BTAF1: variants seen among roughly 807,000 people sequenced by gnomAD.
The protein encoded by BTAF1 is B-TFIID TATA-box binding protein associated factor 1.
Under a neutral mutation model 227.1 loss-of-function variants are expected in BTAF1, and 38 were observed. The ratio of observed to expected loss-of-function variants is 0.17; its 90% CI spans 0.13 to 0.22. The LOEUF is 0.22. BTAF1 is among the 10% of genes least tolerant of loss of function. The pLI is 1.00. For synonymous variants in BTAF1, 742 were observed against 751.9 expected, an observed-to-expected ratio of 0.99 and a Z score of 0.21; for missense variants, 1,598 against 2,204.0, an observed-to-expected ratio of 0.73 and a Z score of 5.51.
At position 91,982,721 on chromosome 10, in the gene BTAF1, G is replaced by A; in HGVS notation, c.2183G>A (p.Ser728Asn). The A allele has an allele frequency of 1.2e-6, 2 of 1,613,584 alleles. No individual in the cohort carries two copies. Among genetic ancestry groups the A allele is most frequent in the Non-Finnish European group, 1.7e-6 (2 of 1,179,738 alleles). The change falls in exon 18 of 38, where the codon AGT becomes AAT. Residue 728 changes from serine (S) to asparagine (N), a missense_variant. Around this residue, in one of 10 missense-constraint regions of BTAF1, gnomAD observed 318 missense variants for 435.0 expected, o/e 0.73. Transcript: ENST00000265990. ...LNSKSALQRISVALVICEWAA... is the reference protein window; with the variant it reads ...LNSKSALQRINVALVICEWAA... ...TCCAAGTCTGCTTTACAGAGGATTA[G>A]TGTAGCTTTGGTAATCTGTGAATGG...
chr10:91,989,280 T>C lies in BTAF1; in HGVS notation c.2554T>C (p.Leu852=). 6.2e-7 allele frequency: 1 copy of C among 1,614,186 alleles called. No homozygotes were observed. The highest frequency in any genetic ancestry group is 1.1e-5 in the South Asian group (1 of 91,078). The part of the protein sequence containing the change: ...VTETNQEWQV[L]QLRVHTFAAC... The stretch of plus-strand genomic sequence containing the variant: ...AGAGACCAACCAGGAGTGGCAAGTG[T>C]TGCAGTTGAGAGTGCATACTTTTGC... The change falls in exon 20 of 38, where the codon TTG becomes CTG. Residue 852 remains leucine (L), a synonymous_variant. Transcript: ENST00000265990.
chr10:91,984,484 A>G, intron 19 of BTAF1, 80 bp downstream of exon 19: 1 of 1,237,900 alleles, frequency 8.1e-7, no homozygotes, highest in Admixed American at 2.3e-5. Context: ...TGTTTATCAC[A>G]AAAACACATT....
At chr10:91,974,766 C>G (rs910909937) in intron 14 of BTAF1, among the ~76,000 whole-genome samples, 11 of 152,104 alleles carry the variant, frequency 7.2e-5, no homozygotes, top group Admixed American at 5.9e-4. Context: ...ACAGGAGAAT[C>G]ACTTGAGCCC....
At chr10:91,933,498 A>G (rs191695076) in intron 1 of BTAF1, among the ~76,000 whole-genome samples, 131 of 152,336 alleles carry the variant, frequency 8.6e-4, no homozygotes, top group Non-Finnish European at 1.3e-3. Flanking sequence ...AAGAGTATTA[A>G]GAATAGGAGA....
intron 1 of BTAF1, among the ~76,000 whole-genome samples, chr10:91,934,240 A>AT (rs968062109): frequency 3.1e-4 from 46 of 147,022 alleles, no homozygotes; most frequent in South Asian, 1.1e-3. Context: ...TTTTGATTTA[A>AT]TTTTTTTTTT....
chr10:91,978,814 G>GTTTTTT (rs145477284), intron 14 of BTAF1, among the ~76,000 whole-genome samples: 45 of 89,822 alleles, frequency 5.0e-4, no homozygotes, highest in African/African-American at 1.1e-3. Context: ...TTTATGGCTT[G>GTTTTTT]TTTTTTTTTT....
At chr10:92,001,204 G>C (rs1056958800) in intron 25 of BTAF1, among the ~76,000 whole-genome samples, 5 of 152,338 alleles carry the variant, frequency 3.3e-5, no homozygotes, top group Admixed American at 3.3e-4. Context: ...GTCTTGCTGA[G>C]CTGAAGAGTT....
At position 91,939,939 on chromosome 10, in the gene BTAF1, T is replaced by C. The variant is rs1459718961; in HGVS notation, c.139-13T>C. On this transcript the variant is annotated splice_polypyrimidine_tract_variant and intron_variant, in intron 2 of 37. Transcript: ENST00000265990. The stretch of plus-strand genomic sequence containing the variant: ...ATTTTTGTATACGTAACTTTTATTT[T>C]ATAATTTTTAAGGTGTTGATATATT... 1 of 1,568,860 alleles carries C rather than the reference T, an allele frequency of 6.4e-7. No individual in the cohort carries two copies. Among genetic ancestry groups the C allele is most frequent in the Non-Finnish European group, 8.8e-7 (1 of 1,142,148 alleles).
intron 25 of BTAF1, among the ~76,000 whole-genome samples, chr10:92,005,631 A>G (rs1849825649): frequency 6.6e-6 from 1 of 151,932 alleles, no homozygotes; most frequent in South Asian, 2.1e-4. Context: ...TTGTGTCAGG[A>G]CCTTGTTACA....
chr10:91,959,736 GTGTGTATATA>G (rs760925804), intron 9 of BTAF1, 39 bp from the exon 10 acceptor site: 353 of 425,742 alleles, frequency 8.3e-4, no homozygotes, highest in East Asian at 1.5e-3. Context: ...GTGTGTGTGT[GTGTGTATATA>G]TATATATATA....
intron 25 of BTAF1, among the ~76,000 whole-genome samples, chr10:91,999,305 T>C (rs1849345582): frequency 6.6e-6 from 1 of 152,168 alleles, no homozygotes; most frequent in Non-Finnish European, 1.5e-5. Flanking sequence ...AAAAACAGTT[T>C]GGTTATATCT....
chr10:91,981,852 C>A, intron 16 of BTAF1, 60 bp downstream of exon 16: 1 of 1,513,778 alleles, frequency 6.6e-7, no homozygotes, highest in Non-Finnish European at 8.8e-7. Flanking sequence ...AATACAGTAA[C>A]CATATTTTTA....
chr10:91,993,787 C>T lies in BTAF1; in HGVS notation c.3139C>T (p.Pro1047Ser). ...HFGGEMAVKL[P>S]HLWDAMVGPL... ...TGGTGGTGAAATGGCAGTGAAGTTGCCACATCTCTGGGATGCTATGGTTGG... is the reference window on the plus strand; with the variant it reads ...TGGTGGTGAAATGGCAGTGAAGTTGTCACATCTCTGGGATGCTATGGTTGG... The change falls in exon 22 of 38, where the codon CCA (proline) becomes TCA (serine). Residue 1047 changes from proline to serine, a missense_variant. Coordinates refer to ENST00000265990, the MANE Select transcript of BTAF1 (RefSeq NM_003972.3). 1 of 1,608,662 alleles carries T rather than the reference C, an allele frequency of 6.2e-7. No individual in the cohort carries two copies. Among genetic ancestry groups the T allele is most frequent in the South Asian group, 1.1e-5 (1 of 89,804 alleles).
rs1554851577 is a variant in BTAF1 at position 91,950,154 on chromosome 10, G to GC, written c.401-1249_401-1248insC. Among the ~76,000 whole-genome samples, 3 of 90,202 alleles carry GC rather than the reference G, an allele frequency of 3.3e-5. 1 individual carries two copies. The highest frequency in any genetic ancestry group is 7.1e-5 in the Non-Finnish European group (3 of 42,370). The allele number at this position is 90,202 out of a possible 152,430, so 59.2% of individuals were successfully genotyped here. On this transcript the variant is annotated intron_variant, in intron 4 of 37. Coordinates refer to ENST00000265990, the MANE Select transcript of BTAF1 (RefSeq NM_003972.3). ...TGAGAGACCTTGTCCTTTGTGGGGG[G>GC]GGGCGGGAAAGAAGACTAGGTTTTT...
At chr10:91,999,895 A>G (rs1188224000) in intron 25 of BTAF1, among the ~76,000 whole-genome samples, 1 of 152,198 alleles carries the variant, frequency 6.6e-6, no homozygotes, top group Non-Finnish European at 1.5e-5. Flanking sequence ...AAAGGTATAA[A>G]GAAAAATAAA....
chr10:91,991,789 GTGTGTGTGTA>G (rs1848782258), intron 20 of BTAF1, among the ~76,000 whole-genome samples: 2 of 77,838 alleles, frequency 2.6e-5, no homozygotes, highest in African/African-American at 1.5e-4. Flanking sequence ...GTGTGTGTGT[GTGTGTGTGTA>G]TATATATATA....
At chr10:91,991,279 T>TATATATATTTATATATATATATATATAA (rs1848728322) in intron 20 of BTAF1, among the ~76,000 whole-genome samples, 1 of 98,426 alleles carries the variant, frequency 1.0e-5, no homozygotes, top group Non-Finnish European at 2.3e-5. Context: ...TAAATATATA[T>TATATATATTTATATATATATATATATAA]ATATATATAT....
At chr10:91,962,767 C>G in intron 12 of BTAF1, 89 bp downstream of exon 12, 1 of 1,244,804 alleles carries the variant, frequency 8.0e-7, no homozygotes, top group Non-Finnish European at 1.1e-6. Context: ...GTACATTTTT[C>G]TCCTTCATCT....
Position 91,987,112 on chromosome 10 carries a change from C to CTT in BTAF1, c.2428-2025_2428-2024dup, listed in dbSNP as rs11347841. On this transcript the variant is annotated intron_variant, in intron 19 of 37. Coordinates refer to ENST00000265990, the MANE Select transcript of BTAF1 (RefSeq NM_003972.3). ...TCACACTGAACACAACAAAAACTGG[C>CTT]TTTTTTTTTTTTTTTTTTGACAAAG... 3.8e-3 allele frequency among the ~76,000 whole-genome samples: 442 copies of CTT among 114,942 alleles called. 7 individuals carry two copies. Among genetic ancestry groups the CTT allele is most frequent in the East Asian group, 0.011 (44 of 4,038 alleles). The allele number at this position is 114,942 out of a possible 152,430, so 75.4% of individuals were successfully genotyped here.
Sources: gnomAD v4.1 joint callset for allele counts (sites outside exome capture counted in the v4.1 genomes callset) on GRCh38, gnomAD v4.1.1 for gene constraint, gnomAD v4.1.1 regional missense constraint, MANE v1.5 for transcripts, NCBI Gene and HGNC (gene_info 2026-07-23, HGNC 2026-07-21) for gene names.